CREBBP: variants seen among roughly 807,000 people sequenced by gnomAD.
The protein encoded by CREBBP is CREB-binding protein.
In CREBBP, 19 loss-of-function variants were observed where a neutral mutation model predicts 265.0. That is an observed-to-expected ratio of 0.07 (90% CI 0.05 to 0.11). The LOEUF is 0.11. CREBBP is among the 10% of genes least tolerant of loss of function. The pLI is 1.00. For synonymous variants in CREBBP, 1,457 were observed against 1,223.7 expected (o/e 1.19, Z -3.98); for missense variants, 2,525 against 3,219.0 (o/e 0.78, Z 5.22).
At chr16:3,837,640 A>T (rs1297706427) in intron 2 of CREBBP, among the ~76,000 whole-genome samples, 1 of 150,606 alleles carries the variant, frequency 6.6e-6, no homozygotes, top group Non-Finnish European at 1.5e-5. Flanking sequence ...ATAATAAATA[A>T]ATAAATAATA....
intron 1 of CREBBP, among the ~76,000 whole-genome samples, chr16:3,863,999 C>T (rs1255968971): frequency 6.6e-6 from 1 of 152,188 alleles, no homozygotes; most frequent in South Asian, 2.1e-4. Context: ...TGCCTATCCA[C>T]CCTGCTTACA....
At chr16:3,753,999 G>A (rs547854834) in intron 19 of CREBBP, among the ~76,000 whole-genome samples, 18 of 152,274 alleles carry the variant, frequency 1.2e-4, no homozygotes, top group African/African-American at 3.6e-4. Flanking sequence ...CTTCCCCACC[G>A]AGGAAAGTGA....
intron 1 of CREBBP, among the ~76,000 whole-genome samples, chr16:3,852,153 ATTTGTTTTTTTTTTTT>A (rs936346109): frequency 4.7e-5 from 5 of 105,834 alleles, no homozygotes; most frequent in African/African-American, 1.8e-4. Flanking sequence ...CCAATCTTAA[ATTTGTTTTTTTTTTTT>A]TTTTTTTTTT....
chr16:3,802,346 G>C (rs2053734473), intron 3 of CREBBP, among the ~76,000 whole-genome samples: 1 of 151,534 alleles, frequency 6.6e-6, no homozygotes, highest in Admixed American at 6.6e-5. Flanking sequence ...TAGCCAGACT[G>C]GTCTCAAACT....
intron 10 of CREBBP, 137 bp downstream of exon 10, chr16:3,777,874 G>A: frequency 8.4e-7 from 1 of 1,191,722 alleles, no homozygotes; most frequent in Non-Finnish European, 1.2e-6. Context: ...CAGGTGGTCA[G>A]GGCCACTGCC....
chr16:3,770,957 G>C lies in CREBBP; in HGVS notation c.2493C>G (p.Asn831Lys). Reference sequence around the variant, plus strand: ...CCTGAGGCCCCAGCATGTTGAGAGGGTTAGGAAGAGCAGCACCAGGCACCT... The same window carrying C: ...CCTGAGGCCCCAGCATGTTGAGAGGCTTAGGAAGAGCAGCACCAGGCACCT... ...QGQVPGAALP[N>K]PLNMLGPQAS... Residue 831 changes from asparagine to lysine, a missense_variant, in exon 14 of 31, where the codon AAC (asparagine) becomes AAG (lysine). Coordinates refer to ENST00000262367, the MANE Select transcript of CREBBP (RefSeq NM_004380.3). The C allele has an allele frequency of 6.2e-7, 1 of 1,613,664 alleles. No individual in the cohort carries two copies. The highest frequency in any genetic ancestry group is 8.5e-7 in the Non-Finnish European group (1 of 1,180,024).
Position 3,759,707 on chromosome 16 carries a change from G to A in CREBBP, c.3251-735C>T, listed in dbSNP as rs1039653838. 3.3e-5 allele frequency among the ~76,000 whole-genome samples: 5 copies of A among 151,982 alleles called. No individual in the cohort carries two copies. In the South Asian group the frequency reaches 1.0e-3, roughly 32 times the overall value. On this transcript the variant is annotated intron_variant, in intron 16 of 30. Coordinates refer to ENST00000262367, the MANE Select transcript of CREBBP (RefSeq NM_004380.3). The stretch of plus-strand genomic sequence containing the variant: ...ACAAACGGTTTTGAATCTCATAAAT[G>A]TAAACAGTAATAGAGCTACAAAATA...
In CREBBP at chr16:3,728,874, G is replaced by T. The variant is rs1270749985; in HGVS notation, c.6173C>A (p.Pro2058Gln). The T allele has an allele frequency of 6.2e-7, 1 of 1,612,114 alleles. No homozygotes were observed. The part of the protein sequence containing the change: ...VAGPRMPSVQ[P>Q]PRSISPSALQ... ...AGCGCTGGGTGAGATGCTCCTGGGT[G>T]GCTGCACGCTGGGCATCCGGGGCCC... The change falls in exon 31 of 31, where the codon CCA (proline) becomes CAA (glutamine). Residue 2058 changes from proline (P) to glutamine (Q), a missense_variant. Transcript: ENST00000262367. The surrounding 1 kb of genome is among the most constrained non-coding windows in gnomAD (Gnocchi z 8.7).
intron 13 of CREBBP, among the ~76,000 whole-genome samples, chr16:3,772,220 A>ACAAT (rs889824860): frequency 1.3e-5 from 2 of 151,914 alleles, no homozygotes; most frequent in Non-Finnish European, 2.9e-5. Flanking sequence ...TGGGGACTAT[A>ACAAT]AAATAAATAA....
At chr16:3,864,470 C>G (rs556780730) in intron 1 of CREBBP, among the ~76,000 whole-genome samples, 1 of 152,162 alleles carries the variant, frequency 6.6e-6, no homozygotes, top group East Asian at 1.9e-4. Flanking sequence ...CATAGCGAAA[C>G]CCGGTCTCTA....
intron 2 of CREBBP, among the ~76,000 whole-genome samples, chr16:3,849,421 GTGTGTGTGTGTGTGTGTGTGT>G (rs2054744908): frequency 4.0e-3 from 34 of 8,588 alleles, no homozygotes; most frequent in African/African-American, 4.1e-3. Context: ...GTGTGTGTGT[GTGTGTGTGTGTGTGTGTGTGT>G]GTGTGTGTGT....
intron 30 of CREBBP, 133 bp from the exon 31 acceptor site, chr16:3,730,007 G>A: frequency 6.9e-7 from 1 of 1,455,414 alleles, no homozygotes; most frequent in African/African-American, 1.4e-5. Context: ...ACCCAGACAG[G>A]ATGCGAGCAC....
At chr16:3,757,154 G>C in intron 19 of CREBBP, 134 bp downstream of exon 19, 2 of 752,040 alleles carry the variant, frequency 2.7e-6, no homozygotes, top group Non-Finnish European at 4.7e-6. Flanking sequence ...GATTACAGGC[G>C]TGAGCCACCA....
intron 13 of CREBBP, among the ~76,000 whole-genome samples, chr16:3,772,744 T>G (rs1397009272): frequency 6.6e-6 from 1 of 151,904 alleles, no homozygotes; most frequent in African/African-American, 2.4e-5. Context: ...TAATATATAA[T>G]AATGACTTAT....
At chr16:3,821,403 CTG>C (rs990053927) in intron 2 of CREBBP, among the ~76,000 whole-genome samples, 6 of 152,198 alleles carry the variant, frequency 3.9e-5, no homozygotes, top group African/African-American at 1.4e-4. Flanking sequence ...TTCCAGGAGA[CTG>C]GGGAGTTCGT....
At chr16:3,745,247 C>A (rs913557805) in intron 22 of CREBBP, 30 bp downstream of exon 22, 6 of 1,602,332 alleles carry the variant, frequency 3.7e-6, no homozygotes, top group Admixed American at 1.7e-5. Context: ...CTGTGCAGAA[C>A]TGCCCTCCAG....
At chr16:3,781,907 C>A (rs954770038) in intron 6 of CREBBP, among the ~76,000 whole-genome samples, 1 of 152,162 alleles carries the variant, frequency 6.6e-6, no homozygotes, top group Non-Finnish European at 1.5e-5. Flanking sequence ...TTCATTAGGG[C>A]AGTTGTTTTC....
chr16:3,798,758 T>A (rs2053655699), intron 3 of CREBBP, among the ~76,000 whole-genome samples: 1 of 152,248 alleles, frequency 6.6e-6, no homozygotes, highest in African/African-American at 2.4e-5. Flanking sequence ...GCAGCCACTC[T>A]GGAAAACAGT....
In CREBBP at chr16:3,731,855, T is replaced by C; in HGVS notation, c.4811A>G (p.Asn1604Ser). The C allele has an allele frequency of 2.5e-6, 4 of 1,614,266 alleles. No individual in the cohort carries two copies. The highest frequency in any genetic ancestry group is 3.4e-6 in the Non-Finnish European group (4 of 1,180,048). ...NKNKSSISRA[N>S]KKKPSMPNVS... The stretch of plus-strand genomic sequence containing the variant: ...GTTGGGCATGCTGGGCTTCTTCTTG[T>C]TGGCGCGGCTGATGCTGCTTTTGTT... The change falls in exon 29 of 31, where the codon AAC becomes AGC. Residue 1604 changes from asparagine to serine, a missense_variant. Transcript: ENST00000262367. The surrounding 1 kb of genome is among the most constrained non-coding windows in gnomAD (Gnocchi z 7.7).
Sources: gnomAD v4.1 joint callset for allele counts (sites outside exome capture counted in the v4.1 genomes callset) on GRCh38, gnomAD v4.1.1 for gene constraint, Gnocchi (gnomAD v3.1) non-coding constraint, MANE v1.5 for transcripts, NCBI Gene and HGNC (gene_info 2026-07-23, HGNC 2026-07-21) for gene names.